Variants in ZNF350 observed in about 807,000 individuals in gnomAD.
The protein encoded by ZNF350 is KRAB zinc finger protein ZFQR.
ZNF350 carries 5 observed loss-of-function variants against 13.1 expected under a neutral mutation model. The ratio of observed to expected loss-of-function variants is 0.38; its 90% CI spans 0.20 to 0.80. ZNF350 has a LOEUF of 0.80. Ranked by LOEUF, ZNF350 falls within the 30% of genes least tolerant of loss-of-function variation. ZNF350 has a pLI of 0.43. For missense variants in ZNF350, 534 were observed against 644.2 expected, an observed-to-expected ratio of 0.83 and a Z score of 1.85; for synonymous variants, 199 against 224.2, an observed-to-expected ratio of 0.89 and a Z score of 1.00.
In ZNF350 at chr19:51,965,067, T is replaced by C. The variant is rs755283496; in HGVS notation, c.1386A>G (p.Thr462=). The change falls in exon 5 of 5, where the codon ACA becomes ACG. Residue 462 remains threonine (T), a synonymous_variant. Transcript: ENST00000243644. ...QEKNSANGAT[T]QVPSVAPQTS... ...TCTGAGGGGCCACAGAAGGCACTTGTGTAGTCGCCCCGTTAGCAGAGTTTT... is the reference window on the plus strand; with the variant it reads ...TCTGAGGGGCCACAGAAGGCACTTGCGTAGTCGCCCCGTTAGCAGAGTTTT... The C allele has an allele frequency of 2.5e-6, 4 of 1,614,210 alleles. 1 individual carries two copies. In the South Asian group the frequency reaches 4.4e-5, roughly 18 times the overall value.
chr19:51,972,020 A>C (rs1214673939), intron 2 of ZNF350, among the ~76,000 whole-genome samples: 1 of 152,222 alleles, frequency 6.6e-6, no homozygotes, highest in Non-Finnish European at 1.5e-5. Flanking sequence ...ACAGTAAGGA[A>C]GACTTTATTC....
chr19:51,983,740 T>G (rs2086109239), intron 1 of ZNF350, among the ~76,000 whole-genome samples: 2 of 152,222 alleles, frequency 1.3e-5, no homozygotes, highest in South Asian at 2.1e-4. Context: ...CACACCCCCC[T>G]CACCAAGATG....
In ZNF350 at chr19:51,974,341, G is replaced by C; in HGVS notation, c.15+5C>G. On this transcript the variant is annotated splice_donor_5th_base_variant and intron_variant, in intron 2 of 4. Transcript: ENST00000243644. ...AAAGAATAAAACAAACCAAAAGTCA[G>C]TTACCTGGGCCTGGATCATTTTCTT... 6.2e-7 allele frequency: 1 copy of C among 1,613,736 alleles called. No individual in the cohort carries two copies. Among genetic ancestry groups the C allele is most frequent in the Non-Finnish European group, 8.5e-7 (1 of 1,179,824 alleles).
intron 1 of ZNF350, chr19:51,982,064 T>A (rs1380900697): frequency 1.3e-5 from 2 of 150,354 alleles, no homozygotes; most frequent in Non-Finnish European, 3.0e-5. Flanking sequence ...AATTAAAAAC[T>A]AAAAAAAAAA....
rs4988334 is a variant in ZNF350 at position 51,965,745 on chromosome 19, A to C, written c.708T>G (p.Cys236Trp). 6.8e-6 allele frequency: 11 copies of C among 1,613,894 alleles called. No individual in the cohort carries two copies. The African/African-American group carries it at 1.5e-4, about 22-fold the overall frequency. ...VMHTGEKPHR[C>W]SLCEKAFSRK... ...TGGAGAAGGCTTTCTCACATAGACT[A>C]CATCTGTGGGGTTTCTCTCCTGTAT... is the stretch of plus-strand genomic sequence containing the variant. The change falls in exon 5 of 5, where the codon TGT (cysteine) becomes TGG (tryptophan). Residue 236 changes from cysteine (C) to tryptophan (W), a missense_variant. Transcript: ENST00000243644.
chr19:51,969,754 A>G (rs929502003), intron 2 of ZNF350, among the ~76,000 whole-genome samples: 1 of 152,170 alleles, frequency 6.6e-6, no homozygotes, highest in African/African-American at 2.4e-5. Context: ...ATTTGAGCCT[A>G]GGAGTTAGAG....
intron 1 of ZNF350, among the ~76,000 whole-genome samples, chr19:51,979,063 T>C (rs73934707): frequency 0.015 from 2,223 of 152,028 alleles, 61 homozygotes; most frequent in African/African-American, 0.051. Flanking sequence ...ATGGGCCCAG[T>C]CCCTCCTGTA....
At chr19:51,981,941 A>T (rs1402849826) in intron 1 of ZNF350, 2 of 152,184 alleles carry the variant, frequency 1.3e-5, no homozygotes, top group East Asian at 3.8e-4. Flanking sequence ...GAAAGAAATG[A>T]ATCTTTTATC....
rs542665274 is a variant in ZNF350 at position 51,965,079 on chromosome 19, G to C, written c.1374C>G (p.Asn458Lys). ...CAGAAGGCACTTGTGTAGTCGCCCC[G>C]TTAGCAGAGTTTTTCTCCTGCATGA... is the stretch of plus-strand genomic sequence containing the variant. ...SDVMQEKNSA[N>K]GATTQVPSVA... The change falls in exon 5 of 5, where the codon AAC becomes AAG. Residue 458 changes from asparagine to lysine, a missense_variant. Asn to Lys is a moderately conservative substitution (Grantham distance 94). Coordinates refer to ENST00000243644, the MANE Select transcript of ZNF350 (RefSeq NM_021632.4). The C allele has an allele frequency of 3.1e-6, 5 of 1,614,162 alleles. No homozygotes were observed. Among genetic ancestry groups the C allele is most frequent in the Non-Finnish European group, 1.7e-6 (2 of 1,180,032 alleles).
chr19:51,967,438 TAATG>T (rs1299249916), intron 4 of ZNF350: 1 of 151,772 alleles, frequency 6.6e-6, no homozygotes, highest in Non-Finnish European at 1.5e-5. Context: ...TAAATAATAA[TAATG>T]AATAATTTTT....
rs2085545410 is a variant in ZNF350, at chr19:51,965,630, AT to A, written c.822del (p.Lys274AsnfsTer61). 6.2e-7 allele frequency: 1 copy of A among 1,614,030 alleles called. No individual in the cohort carries two copies. Among genetic ancestry groups the A allele is most frequent in the African/African-American group, 1.3e-5 (1 of 74,920 alleles). ...CPECGKAFLK[K>X]SRLNIHQKTH... is the part of the protein sequence containing the mutation. ...GTTTTCTGATGTATGTTGAGCCGTG[AT>A]TTCTTGAGAAAGGCTTTGCCACATT... On this transcript the variant is annotated frameshift_variant, in exon 5 of 5. Transcript: ENST00000243644. LOFTEE classifies it low-confidence loss of function (END_TRUNC).
In ZNF350 at chr19:51,974,139, A is replaced by G; in HGVS notation, c.15+207T>C. 3 of 475,788 alleles carry G rather than the reference A, an allele frequency of 6.3e-6. No homozygotes were observed. In the South Asian group the frequency reaches 1.1e-4, roughly 17 times the overall value. 29.5% of individuals were successfully genotyped at this position (475,788 alleles called of 1,614,324 possible). A position where few individuals can be genotyped will look rare whatever the true frequency, so the allele number is the denominator to read the frequency against. The stretch of plus-strand genomic sequence containing the variant: ...CTCCAGCCATGCATGGTGTCACAAA[A>G]TTCATAATTTAGTGTTAATGCTATG... On this transcript the variant is annotated intron_variant, in intron 2 of 4. Coordinates refer to ENST00000243644, the MANE Select transcript of ZNF350 (RefSeq NM_021632.4).
At chr19:51,982,047 AAG>A (rs890716058) in intron 1 of ZNF350, 12 of 152,160 alleles carry the variant, frequency 7.9e-5, no homozygotes, top group Admixed American at 1.3e-4. Flanking sequence ...AAAAAGAAAA[AAG>A]AAAAAATTAA....
intron 4 of ZNF350, 76 bp from the exon 5 acceptor site, chr19:51,966,290 G>GT (rs573199392): frequency 0.095 from 90,731 of 953,226 alleles, 3 homozygotes; most frequent in South Asian, 0.11. Context: ...TGTTTTTTTT[G>GT]TTTTTTTTTT....
intron 1 of ZNF350, among the ~76,000 whole-genome samples, chr19:51,975,445 A>AC (rs1568483951): frequency 4.6e-5 from 7 of 151,516 alleles, no homozygotes; most frequent in African/African-American, 1.7e-4. Context: ...AAAAAAAAAA[A>AC]AAAAAAACTA....
At chr19:51,985,494 C>T (rs753820048) in intron 1 of ZNF350, among the ~76,000 whole-genome samples, 1 of 152,174 alleles carries the variant, frequency 6.6e-6, no homozygotes, top group Non-Finnish European at 1.5e-5. Context: ...TTTTCACATA[C>T]ATAGTTGGCT....
chr19:51,968,557 C>CT (rs1214819142), intron 4 of ZNF350, 21 bp downstream of exon 4: 5 of 1,608,840 alleles, frequency 3.1e-6, no homozygotes, highest in Non-Finnish European at 4.3e-6. Flanking sequence ...CCATAGCCTT[C>CT]TGTCTTGTGG....
intron 1 of ZNF350, chr19:51,977,010 T>C (rs747660639): frequency 3.3e-5 from 5 of 152,194 alleles, no homozygotes; most frequent in Non-Finnish European, 7.4e-5. Flanking sequence ...CAATTAAAAA[T>C]AAAAAACAGG....
In ZNF350 at chr19:51,965,082, A is replaced by C; in HGVS notation, c.1371T>G (p.Ala457=). Residue 457 remains alanine (A), a synonymous_variant, in exon 5 of 5, where the codon GCT becomes GCG. Transcript: ENST00000243644. ...TSDVMQEKNS[A]NGATTQVPSV... Reference sequence around the variant, plus strand: ...AAGGCACTTGTGTAGTCGCCCCGTTAGCAGAGTTTTTCTCCTGCATGACAT... The same window carrying C: ...AAGGCACTTGTGTAGTCGCCCCGTTCGCAGAGTTTTTCTCCTGCATGACAT... 1.2e-6 allele frequency: 2 copies of C among 1,614,172 alleles called. No homozygotes were observed. Among genetic ancestry groups the C allele is most frequent in the Non-Finnish European group, 1.7e-6 (2 of 1,180,026 alleles).
Sources: allele counts gnomAD v4.1 joint callset (sites outside exome capture counted in the v4.1 genomes callset), GRCh38; gene constraint gnomAD v4.1.1; transcripts MANE v1.5; gene names NCBI Gene and HGNC (gene_info 2026-07-23, HGNC 2026-07-21).